ELFN2: variants seen among roughly 807,000 people sequenced by gnomAD.
The protein encoded by ELFN2 is extracellular leucine rich repeat and fibronectin type III domain containing 2.
ELFN2 carries 17 observed loss-of-function variants against 45.5 expected under a neutral mutation model. The ratio of observed to expected loss-of-function variants is 0.37; its 90% confidence interval spans 0.26 to 0.56. ELFN2 has a LOEUF of 0.56. ELFN2 is among the 20% of genes least tolerant of loss of function. The pLI, the probability that ELFN2 is intolerant of heterozygous loss-of-function variation, is 0.77. For synonymous variants in ELFN2, 550 were observed against 551.5 expected (o/e 1.00, Z 0.04); for missense variants, 922 against 1,183.2 (o/e 0.78, Z 3.24).
At chr22:37,383,048 G>A (rs573628354) in intron 2 of ELFN2, among the ~76,000 whole-genome samples, 2 of 152,282 alleles carry the variant, frequency 1.3e-5, no homozygotes, top group Non-Finnish European at 2.9e-5. Flanking sequence ...ACAGCACCAC[G>A]TCCTCTACCT....
chr22:37,427,033 G>T, intron 1 of ELFN2: 1 of 152,428 alleles, frequency 6.6e-6, no homozygotes, highest in South Asian at 1.9e-4. Flanking sequence ...TCACCTCACC[G>T]ACCGTCCTCG....
At position 37,373,302 on chromosome 22, in the gene ELFN2, G is replaced by T. The variant is rs200692409; in HGVS notation, c.2233C>A (p.Gln745Lys). Residue 745 changes from glutamine to lysine, a missense_variant, in exon 3 of 3, where the codon CAG becomes AAG. Around this residue, in one of 2 missense-constraint regions of ELFN2, gnomAD observed 564 missense variants for 642.8 expected, o/e 0.88. Coordinates refer to ENST00000402918, the MANE Select transcript of ELFN2 (RefSeq NM_052906.5). ...TRSKRDSTYSQLSPRHYYSGY... is the reference protein window; with the variant it reads ...TRSKRDSTYSKLSPRHYYSGY... Reference sequence around the variant, plus strand: ...GAGTAGTAGTGTCTGGGGGAGAGCTGCGAGTAGGTGGAGTCACGCTTGGAG... The same window carrying T: ...GAGTAGTAGTGTCTGGGGGAGAGCTTCGAGTAGGTGGAGTCACGCTTGGAG... 1.1e-4 allele frequency: 178 copies of T among 1,613,642 alleles called. No homozygotes were observed. The highest frequency in any genetic ancestry group is 1.5e-4 in the Non-Finnish European group (175 of 1,179,996).
chr22:37,374,586 G>A lies in ELFN2; in HGVS notation c.949C>T (p.His317Tyr). 6.2e-7 allele frequency: 1 copy of A among 1,614,252 alleles called. No homozygotes were observed. Among genetic ancestry groups the A allele is most frequent in the Middle Eastern group, 1.6e-4 (1 of 6,062 alleles). ...AGGATGTACATCTTGCTGTAGGGGTGTGGGATGATGACCACCAGGGTGGCC... is the reference window on the plus strand; with the variant it reads ...AGGATGTACATCTTGCTGTAGGGGTATGGGATGATGACCACCAGGGTGGCC... ...TSATLVVIIP[H>Y]PYSKMYILVQ... Residue 317 changes from histidine to tyrosine, a missense_variant, in exon 3 of 3, where the codon CAC (histidine) becomes TAC (tyrosine). This residue lies in a region of ELFN2 where 358 missense variants were observed against 540.4 expected (regional missense o/e 0.66). Coordinates refer to ENST00000402918, the MANE Select transcript of ELFN2 (RefSeq NM_052906.5).
At chr22:37,362,513 A>G (rs749184156) in intron 1 of ELFN2, among the ~76,000 whole-genome samples, 9 of 152,188 alleles carry the variant, frequency 5.9e-5, no homozygotes, top group South Asian at 2.1e-4. Context: ...AGGCCCCAGG[A>G]TTATTGTACA....
chr22:37,379,982 G>A (rs1359621604), intron 2 of ELFN2, among the ~76,000 whole-genome samples: 2 of 152,198 alleles, frequency 1.3e-5, no homozygotes, highest in African/African-American at 2.4e-5. Flanking sequence ...AATGACAGCC[G>A]CTGTTGTTAA....
chr22:37,357,683 T>C (rs1172012880), intron 1 of ELFN2, among the ~76,000 whole-genome samples: 1 of 152,198 alleles, frequency 6.6e-6, no homozygotes, highest in East Asian at 1.9e-4. Context: ...TTCCTTCCCT[T>C]GAGTCAGGCA....
intron 1 of ELFN2, among the ~76,000 whole-genome samples, chr22:37,419,442 C>T (rs1421062049): frequency 6.6e-6 from 1 of 152,104 alleles, no homozygotes; most frequent in African/African-American, 2.4e-5. Flanking sequence ...GACCCAGAGA[C>T]TCGTGGGCCT....
At position 37,373,721 on chromosome 22, in the gene ELFN2, G is replaced by C. The variant is rs1453316521; in HGVS notation, c.1814C>G (p.Pro605Arg). ...TGGGTGGTGGGAGCTCTCCTTGTAG[G>C]GAGGCGAAAGGAAGCTGGGCCGCTC... is the stretch of plus-strand genomic sequence containing the variant. ...ALERPSFLSP[P>R]YKESSHHPLQ... The change falls in exon 3 of 3, where the codon CCC becomes CGC. Residue 605 changes from proline to arginine, a missense_variant. Physicochemically the swap from Pro to Arg is moderately radical, Grantham distance 103 (BLOSUM62 -2). Around this residue, in one of 2 missense-constraint regions of ELFN2, gnomAD observed 564 missense variants for 642.8 expected, o/e 0.88. Transcript: ENST00000402918. The C allele has an allele frequency of 6.4e-7, 1 of 1,553,940 alleles. No individual in the cohort carries two copies. Among genetic ancestry groups the C allele is most frequent in the Non-Finnish European group, 8.6e-7 (1 of 1,157,318 alleles).
At chr22:37,346,775 C>T (rs1056917151) in intron 1 of ELFN2, among the ~76,000 whole-genome samples, 1 of 152,102 alleles carries the variant, frequency 6.6e-6, no homozygotes, top group East Asian at 1.9e-4. Flanking sequence ...CGTACACACA[C>T]GTTGCAAAAC....
chr22:37,367,777 C>G (rs1488670192), downstream of ELFN2, among the ~76,000 whole-genome samples: 1 of 152,054 alleles, frequency 6.6e-6, no homozygotes, highest in South Asian at 2.1e-4. Context: ...TCCTGCTGGC[C>G]CCCTCTCCCT....
downstream of ELFN2, among the ~76,000 whole-genome samples, chr22:37,365,287 A>AG (rs1931179153): frequency 6.6e-6 from 1 of 152,128 alleles, no homozygotes; most frequent in Non-Finnish European, 1.5e-5. Context: ...AGGCAGGGGG[A>AG]GCTTGAGGGA....
chr22:37,356,226 G>A (rs577579916), intron 1 of ELFN2, among the ~76,000 whole-genome samples: 7 of 152,240 alleles, frequency 4.6e-5, no homozygotes, highest in Non-Finnish European at 7.4e-5. Context: ...GCTGCTGGGC[G>A]CTTACCCACC....
At chr22:37,425,735 T>C (rs758913877) in intron 1 of ELFN2, among the ~76,000 whole-genome samples, 4 of 152,054 alleles carry the variant, frequency 2.6e-5, no homozygotes, top group Non-Finnish European at 4.4e-5. Flanking sequence ...CCCCGGCTCA[T>C]CAGGACAGCA....
At chr22:37,412,561 T>C (rs1932675151) in intron 2 of ELFN2, among the ~76,000 whole-genome samples, 1 of 152,094 alleles carries the variant, frequency 6.6e-6, no homozygotes, top group Non-Finnish European at 1.5e-5. Context: ...CCCTTCTTCC[T>C]GGCACTCCTC....
At chr22:37,398,234 G>A (rs938382497) in intron 2 of ELFN2, among the ~76,000 whole-genome samples, 1 of 152,024 alleles carries the variant, frequency 6.6e-6, no homozygotes, top group African/African-American at 2.4e-5. Flanking sequence ...GCACATGGAG[G>A]GCCTCACTAA....
rs766763331 is a variant in ELFN2, at chr22:37,386,458, AT to A, written c.-462-10463del. ...GAAACCCCTCCTGAGGCCACAGCCC[AT>A]TCAGCTTCTGTCGCTTCAGAACCTC... On this transcript the variant is annotated intron_variant, in intron 2 of 2. Coordinates refer to ENST00000402918, the MANE Select transcript of ELFN2 (RefSeq NM_052906.5). 2.1e-4 allele frequency among the ~76,000 whole-genome samples: 32 copies of A among 152,298 alleles called. 1 individual carries two copies. The highest frequency in any genetic ancestry group is 1.5e-3 in the Admixed American group (23 of 15,306).
chr22:37,424,231 C>A (rs1452574694), intron 1 of ELFN2, among the ~76,000 whole-genome samples: 1 of 151,820 alleles, frequency 6.6e-6, no homozygotes, highest in Non-Finnish European at 1.5e-5. Flanking sequence ...CACATCACAC[C>A]CGCAAGGGAA....
At chr22:37,390,393 C>A (rs1411218647) in intron 2 of ELFN2, among the ~76,000 whole-genome samples, 1 of 152,202 alleles carries the variant, frequency 6.6e-6, no homozygotes, top group Non-Finnish European at 1.5e-5. Context: ...CAGAGGGAAG[C>A]AAGGAGTGAT....
In ELFN2 at chr22:37,373,802, C is replaced by A. The variant is rs1291970248; in HGVS notation, c.1733G>T (p.Cys578Phe). The change falls in exon 3 of 3, where the codon TGC becomes TTC. Residue 578 changes from cysteine to phenylalanine, a missense_variant. Coordinates refer to ENST00000402918, the MANE Select transcript of ELFN2 (RefSeq NM_052906.5). ...SSGDPELAFE[C>F]QSLPAAAAAS... Reference sequence around the variant, plus strand: ...GGCAGCAGCTGCAGGGAGGGACTGGCACTCGAAGGCCAGCTCGGGGTCCCC... The same window carrying A: ...GGCAGCAGCTGCAGGGAGGGACTGGAACTCGAAGGCCAGCTCGGGGTCCCC... The A allele has an allele frequency of 6.2e-7, 1 of 1,611,434 alleles. No individual in the cohort carries two copies. Among genetic ancestry groups the A allele is most frequent in the Non-Finnish European group, 8.5e-7 (1 of 1,179,350 alleles).
Sources: allele counts gnomAD v4.1 joint callset (sites outside exome capture counted in the v4.1 genomes callset), GRCh38; gene constraint gnomAD v4.1.1; regional missense constraint gnomAD v4.1.1; transcripts MANE v1.5; gene names NCBI Gene and HGNC (gene_info 2026-07-23, HGNC 2026-07-21).